DGLUCY: variants seen among roughly 807,000 people sequenced by gnomAD.
The protein encoded by DGLUCY is D-glutamate cyclase, mitochondrial.
A neutral mutation model predicts 58.5 loss-of-function variants in DGLUCY; 58 were observed. The ratio of observed to expected loss-of-function variants is 0.99; its 90% CI spans 0.80 to 1.23. The LOEUF is 1.23. DGLUCY is among the 50% of genes most tolerant of loss of function. The pLI is 0.00. For synonymous variants in DGLUCY, 325 were observed against 314.1 expected, an observed-to-expected ratio of 1.03 and a Z score of -0.37; for missense variants, 779 against 784.7, an observed-to-expected ratio of 0.99 and a Z score of 0.09.
At chr14:91,196,333 A>G (rs2050207623) in intron 9 of DGLUCY, 42 bp from the exon 10 acceptor site, 3 of 1,562,864 alleles carry the variant, frequency 1.9e-6, no homozygotes, top group East Asian at 2.2e-5. Context: ...CCAAAAGCCA[A>G]CACTAGAGCT....
At chr14:91,205,065 T>G (rs975936873) in intron 12 of DGLUCY, among the ~76,000 whole-genome samples, 1 of 152,074 alleles carries the variant, frequency 6.6e-6, no homozygotes, top group African/African-American at 2.4e-5. Context: ...TCCACAGAGC[T>G]CCCATTCTAG....
At chr14:91,089,243 A>G (rs1291518913) in intron 1 of DGLUCY, among the ~76,000 whole-genome samples, 2 of 152,198 alleles carry the variant, frequency 1.3e-5, no homozygotes, top group East Asian at 3.8e-4. Context: ...TTGATGATGG[A>G]AACTGCCAAA....
chr14:91,176,791 G>A lies in DGLUCY; in HGVS notation c.730+735G>A, dbSNP rs182168479. On this transcript the variant is annotated intron_variant, in intron 7 of 13. Transcript: ENST00000256324. The stretch of plus-strand genomic sequence containing the variant: ...TAATTTTTGTATTTTTAGTAGAGAC[G>A]AGGTTTTGCCATGTTGGCCACGCTG... Among the ~76,000 whole-genome samples the A allele has an allele frequency of 7.1e-3, 1,088 of 152,224 alleles. 8 individuals carry two copies. The highest frequency in any genetic ancestry group is 0.011 in the Non-Finnish European group (757 of 68,008).
chr14:91,151,630 T>G (rs1204424472), intron 1 of DGLUCY, among the ~76,000 whole-genome samples: 2 of 151,682 alleles, frequency 1.3e-5, no homozygotes, highest in East Asian at 3.9e-4. Flanking sequence ...ATCTCATTAT[T>G]CATCTTTTTT....
chr14:91,202,899 C>T (rs1382662210), intron 11 of DGLUCY, among the ~76,000 whole-genome samples: 1 of 152,214 alleles, frequency 6.6e-6, no homozygotes, highest in Non-Finnish European at 1.5e-5. Context: ...CGCCCCAGAC[C>T]CTCCTGCCCA....
intron 1 of DGLUCY, among the ~76,000 whole-genome samples, chr14:91,128,411 C>T (rs2045847580): frequency 6.6e-6 from 1 of 151,756 alleles, no homozygotes; most frequent in Non-Finnish European, 1.5e-5. Context: ...GGGAGGATCA[C>T]TTGAGCGCAG....
intron 1 of DGLUCY, among the ~76,000 whole-genome samples, chr14:91,136,176 A>G (rs902297293): frequency 2.6e-5 from 4 of 151,350 alleles, no homozygotes; most frequent in Admixed American, 2.6e-4. Context: ...CTCGTGATCC[A>G]CCTGCCTCGG....
At chr14:91,135,926 CTTTTTTTTT>C (rs34202137) in intron 1 of DGLUCY, among the ~76,000 whole-genome samples, 2 of 51,216 alleles carry the variant, frequency 3.9e-5, no homozygotes, top group African/African-American at 6.7e-5. Context: ...GATACATTAG[CTTTTTTTTT>C]TTTTTTTTTT....
At chr14:91,064,638 A>G (rs951783105) in intron 1 of DGLUCY, among the ~76,000 whole-genome samples, 82 of 151,858 alleles carry the variant, frequency 5.4e-4, no homozygotes, top group Admixed American at 1.0e-3. Context: ...AAAAAAAAAA[A>G]AAAAAGAAAA....
chr14:91,209,741 A>AC (rs1329184755), intron 12 of DGLUCY, among the ~76,000 whole-genome samples: 1 of 152,154 alleles, frequency 6.6e-6, no homozygotes, highest in East Asian at 1.9e-4. Flanking sequence ...CAGAAAGCAA[A>AC]AAACAAACCA....
chr14:91,213,322 C>G lies in DGLUCY; in HGVS notation c.1565-2083C>G, dbSNP rs972572042. ...TGTTGGCATGCACCTGTAGTCCCAG[C>G]TACTCGGGAGGCTGAGGGAGGAGAA... On this transcript the variant is annotated intron_variant, in intron 12 of 13. Coordinates refer to ENST00000256324, the MANE Select transcript of DGLUCY (RefSeq NM_001102368.3). 3.9e-5 allele frequency among the ~76,000 whole-genome samples: 6 copies of G among 152,004 alleles called. No homozygotes were observed. The South Asian group carries it at 1.2e-3, about 31-fold the overall frequency.
At chr14:91,127,914 C>G (rs934972330) in intron 1 of DGLUCY, among the ~76,000 whole-genome samples, 7 of 150,806 alleles carry the variant, frequency 4.6e-5, no homozygotes, top group African/African-American at 1.7e-4. Flanking sequence ...ACCCCAGGCA[C>G]CTGGCTTTTT....
chr14:91,121,478 C>T (rs554496662), intron 1 of DGLUCY, among the ~76,000 whole-genome samples: 1 of 152,234 alleles, frequency 6.6e-6, no homozygotes, highest in African/African-American at 2.4e-5. Flanking sequence ...CACCTGAAAT[C>T]AGGAGTTCGA....
upstream of DGLUCY, among the ~76,000 whole-genome samples, chr14:91,106,946 A>G (rs2044602968): frequency 6.6e-6 from 1 of 152,178 alleles, no homozygotes; most frequent in Admixed American, 6.5e-5. Context: ...CAATTCATCC[A>G]TTTAAAGTTT....
chr14:91,173,014 T>G (rs928670571), intron 5 of DGLUCY, among the ~76,000 whole-genome samples: 1 of 152,220 alleles, frequency 6.6e-6, no homozygotes. Context: ...TGCATTTTCT[T>G]GTATGCAGTT....
chr14:91,207,177 A>AAAAAAAAAAAG (rs1555406262), intron 12 of DGLUCY, among the ~76,000 whole-genome samples: 1 of 147,978 alleles, frequency 6.8e-6, no homozygotes, highest in African/African-American at 2.5e-5. Flanking sequence ...AAAAAAAAAA[A>AAAAAAAAAAAG]GAGGAAGTAG....
intron 7 of DGLUCY, among the ~76,000 whole-genome samples, chr14:91,179,490 G>A (rs1293989361): frequency 2.0e-5 from 3 of 151,988 alleles, no homozygotes; most frequent in Non-Finnish European, 2.9e-5. Context: ...GGTGGCTCAC[G>A]CCTGTAATCC....
At chr14:91,066,950 G>T (rs952071420) in intron 1 of DGLUCY, among the ~76,000 whole-genome samples, 5 of 151,676 alleles carry the variant, frequency 3.3e-5, no homozygotes, top group Non-Finnish European at 5.9e-5. Flanking sequence ...GCATGGTGGC[G>T]GGCGCCAGTA....
intron 3 of DGLUCY, among the ~76,000 whole-genome samples, chr14:91,166,820 G>T (rs2048309180): frequency 6.6e-6 from 1 of 151,982 alleles, no homozygotes; most frequent in South Asian, 2.1e-4. Flanking sequence ...TCACAGAGGG[G>T]CTGGGCGCAA....
Sources: gnomAD v4.1 joint callset for allele counts (sites outside exome capture counted in the v4.1 genomes callset) on GRCh38, gnomAD v4.1.1 for gene constraint, MANE v1.5 for transcripts, NCBI Gene and HGNC (gene_info 2026-07-23, HGNC 2026-07-21) for gene names.